WWOX: variants seen among roughly 807,000 people sequenced by gnomAD.
WWOX encodes WW domain containing oxidoreductase.
WWOX carries 69 observed loss-of-function variants against 46.2 expected under a neutral mutation model. The ratio of observed to expected loss-of-function variants is 1.49; its 90% CI spans 1.23 to 1.82. The LOEUF (loss-of-function observed/expected upper bound fraction) is 1.82, where lower values mean the gene tolerates loss of function less well. Among genes scored for constraint, WWOX ranks in the 40% most tolerant of loss-of-function variants. The pLI, the probability that WWOX is intolerant of heterozygous loss-of-function variation, is 0.00. For synonymous variants in WWOX, 359 were observed against 202.6 expected (o/e 1.77, Z -6.56); for missense variants, 919 against 542.6 (o/e 1.69, Z -6.89).
At chr16:78,559,528 A>G (rs1472958326) in intron 8 of WWOX, among the ~76,000 whole-genome samples, 1 of 152,176 alleles carries the variant, frequency 6.6e-6, no homozygotes, top group Non-Finnish European at 1.5e-5. Context: ...TGCCTGGATC[A>G]CCTTGTTAAT....
intron 4 of WWOX, among the ~76,000 whole-genome samples, chr16:78,145,672 C>T (rs555745804): frequency 1.3e-5 from 2 of 152,266 alleles, no homozygotes; most frequent in East Asian, 3.9e-4. Flanking sequence ...TTGCATCCTT[C>T]AATCCAATCA....
At chr16:78,232,536 C>G (rs1475877506) in intron 5 of WWOX, among the ~76,000 whole-genome samples, 3 of 152,130 alleles carry the variant, frequency 2.0e-5, no homozygotes, top group Non-Finnish European at 2.9e-5. Flanking sequence ...GAAAAGGGAG[C>G]TCACTGTTGG....
At chr16:78,885,156 C>T (rs565214311) in intron 8 of WWOX, among the ~76,000 whole-genome samples, 5 of 151,238 alleles carry the variant, frequency 3.3e-5, no homozygotes, top group Non-Finnish European at 5.9e-5. Context: ...TCTACGAGCT[C>T]CCTCATGGTT....
rs189598406 is a variant in WWOX, at chr16:78,364,910, G to A, written c.517-21950G>A. 1.1e-4 allele frequency among the ~76,000 whole-genome samples: 16 copies of A among 152,158 alleles called. No individual in the cohort carries two copies. The East Asian group carries it at 3.1e-3, about 29-fold the overall frequency. On this transcript the variant is annotated intron_variant, in intron 5 of 8. Coordinates refer to ENST00000566780, the MANE Select transcript of WWOX (RefSeq NM_016373.4). ...CTTGTCTTTATCCCATTCTGTCTAG[G>A]TACCTGGAATTTCATTCTTTACAAA...
chr16:79,128,645 G>T (rs1297918959), intron 8 of WWOX, among the ~76,000 whole-genome samples: 2 of 152,178 alleles, frequency 1.3e-5, no homozygotes, highest in Non-Finnish European at 2.9e-5. Context: ...TCCAAAGAAT[G>T]ATTTCACTCA....
chr16:78,733,613 G>A (rs953937892), intron 8 of WWOX, among the ~76,000 whole-genome samples: 1 of 151,718 alleles, frequency 6.6e-6, no homozygotes, highest in Non-Finnish European at 1.5e-5. Flanking sequence ...AAATTAGCCG[G>A]GTATGGTGGT....
intron 8 of WWOX, among the ~76,000 whole-genome samples, chr16:79,008,996 T>C (rs1327045173): frequency 6.6e-6 from 1 of 152,222 alleles, no homozygotes; most frequent in Non-Finnish European, 1.5e-5. Flanking sequence ...ATTATCCCGA[T>C]TCAGCATCAG....
intron 8 of WWOX, among the ~76,000 whole-genome samples, chr16:78,457,094 G>A (rs1405893938): frequency 4.6e-5 from 7 of 152,144 alleles, no homozygotes; most frequent in Admixed American, 4.6e-4. Flanking sequence ...TGCCGTTAAG[G>A]GAATTGGCAG....
chr16:78,518,941 G>A (rs2043293276), intron 8 of WWOX, among the ~76,000 whole-genome samples: 1 of 152,202 alleles, frequency 6.6e-6, no homozygotes, highest in Non-Finnish European at 1.5e-5. Flanking sequence ...TGAAGTATAG[G>A]AAAAGGCAGC....
intron 8 of WWOX, among the ~76,000 whole-genome samples, chr16:78,600,486 C>T (rs983570360): frequency 2.6e-5 from 4 of 152,150 alleles, no homozygotes; most frequent in South Asian, 4.2e-4. Context: ...TTCCCCCCAA[C>T]CCTCCGTGGG....
At chr16:79,064,596 C>T (rs1221418510) in intron 8 of WWOX, among the ~76,000 whole-genome samples, 1 of 152,156 alleles carries the variant, frequency 6.6e-6, no homozygotes, top group Non-Finnish European at 1.5e-5. Flanking sequence ...AAATAGTTTT[C>T]CTGGAAAGAC....
intron 8 of WWOX, among the ~76,000 whole-genome samples, chr16:79,091,733 G>A (rs907720922): frequency 1.3e-5 from 2 of 151,672 alleles, no homozygotes; most frequent in African/African-American, 4.8e-5. Flanking sequence ...TTTCTCAAGA[G>A]GGTTTCTGCA....
chr16:78,579,289 T>C (rs973684733), intron 8 of WWOX, among the ~76,000 whole-genome samples: 1 of 152,012 alleles, frequency 6.6e-6, no homozygotes, highest in Non-Finnish European at 1.5e-5. Flanking sequence ...TGCAGTAGAG[T>C]GTGACAGCAT....
Position 79,010,620 on chromosome 16 carries a change from A to G in WWOX, c.1057-200988A>G, listed in dbSNP as rs141649151. ...ATGAGAAGGCAGGGAGTGGTATGAA[A>G]CAAATCAGGGAAGGAGGAGACGGAG... On this transcript the variant is annotated intron_variant, in intron 8 of 8. Coordinates refer to ENST00000566780, the MANE Select transcript of WWOX (RefSeq NM_016373.4). 2.7e-3 allele frequency among the ~76,000 whole-genome samples: 415 copies of G among 152,312 alleles called. 1 individual carries two copies. The highest frequency in any genetic ancestry group is 4.8e-3 in the Non-Finnish European group (328 of 68,022).
At chr16:78,633,929 G>C (rs1164990962) in intron 8 of WWOX, among the ~76,000 whole-genome samples, 2 of 149,346 alleles carry the variant, frequency 1.3e-5, no homozygotes, top group Non-Finnish European at 3.0e-5. Context: ...TCTCATTGCT[G>C]AGAACAGTTC....
intron 5 of WWOX, among the ~76,000 whole-genome samples, chr16:78,333,900 A>G (rs1327334333): frequency 6.6e-6 from 1 of 151,974 alleles, no homozygotes; most frequent in East Asian, 1.9e-4. Context: ...TGAGAGCAGA[A>G]AAGGTATCAT....
Position 78,314,544 on chromosome 16 carries a change from G to C in WWOX, c.517-72316G>C, listed in dbSNP as rs1176090091. On this transcript the variant is annotated intron_variant, in intron 5 of 8. Transcript: ENST00000566780. ...TTGTGGGGTTTTTTTTTTTTTTTGAGTCGGAGTTTTGCTCTTGTCGCCCAG... is the reference window on the plus strand; with the variant it reads ...TTGTGGGGTTTTTTTTTTTTTTTGACTCGGAGTTTTGCTCTTGTCGCCCAG... Among the ~76,000 whole-genome samples the C allele has an allele frequency of 4.4e-5, 6 of 137,386 alleles. 1 individual carries two copies. The highest frequency in any genetic ancestry group is 1.5e-4 in the Admixed American group (2 of 13,484). The allele number at this position is 137,386 out of a possible 152,430, so 90.1% of individuals were successfully genotyped here. A position where few individuals can be genotyped will look rare whatever the true frequency, so the allele number is the denominator to read the frequency against.
chr16:78,564,251 A>G (rs1287153853), intron 8 of WWOX, among the ~76,000 whole-genome samples: 3 of 152,226 alleles, frequency 2.0e-5, no homozygotes, highest in Non-Finnish European at 4.4e-5. Context: ...GAATGGAGAC[A>G]ATACTTTTGA....
intron 8 of WWOX, among the ~76,000 whole-genome samples, chr16:78,665,100 G>A (rs140481576): frequency 1.1e-3 from 174 of 152,276 alleles, no homozygotes; most frequent in African/African-American, 3.8e-3. Flanking sequence ...AGGTAAATGC[G>A]ATGGGGACAA....
Sources: gnomAD v4.1 joint callset for allele counts (sites outside exome capture counted in the v4.1 genomes callset) on GRCh38, gnomAD v4.1.1 for gene constraint, MANE v1.5 for transcripts, NCBI Gene and HGNC (gene_info 2026-07-23, HGNC 2026-07-21) for gene names.